ETNK1: variants seen among roughly 807,000 people sequenced by gnomAD.
ETNK1 encodes ethanolamine kinase 1.
A neutral mutation model predicts 45.1 loss-of-function variants in ETNK1; 8 were observed. The ratio of observed to expected loss-of-function variants is 0.18; its 90% CI spans 0.10 to 0.32. The LOEUF is 0.32. Ranked by LOEUF, ETNK1 falls within the 10% of genes least tolerant of loss-of-function variation. ETNK1 has a pLI of 1.00. For missense variants in ETNK1, 302 were observed against 430.6 expected (o/e 0.70, Z 2.64); for synonymous variants, 152 against 151.9 (o/e 1.00, Z -0.01).
chr12:22,664,913 A>C (rs1442046731), intron 4 of ETNK1, among the ~76,000 whole-genome samples: 2 of 152,178 alleles, frequency 1.3e-5, no homozygotes, highest in Non-Finnish European at 2.9e-5. Flanking sequence ...ATTTGTCTGC[A>C]GTATGTTTCA....
chr12:22,648,492 C>T (rs1481229836), intron 2 of ETNK1, among the ~76,000 whole-genome samples: 2 of 151,966 alleles, frequency 1.3e-5, no homozygotes, highest in African/African-American at 4.8e-5. Flanking sequence ...ATTAGATTGG[C>T]TTCTTTGACT....
At chr12:22,652,427 C>G (rs1953889666) in intron 2 of ETNK1, among the ~76,000 whole-genome samples, 1 of 152,168 alleles carries the variant, frequency 6.6e-6, no homozygotes, top group Non-Finnish European at 1.5e-5. Flanking sequence ...TTTGAGGAAC[C>G]ACCATACTGT....
At chr12:22,650,918 A>G (rs1388494025) in intron 2 of ETNK1, among the ~76,000 whole-genome samples, 2 of 152,144 alleles carry the variant, frequency 1.3e-5, no homozygotes, top group East Asian at 3.9e-4. Context: ...ATTATGGTAA[A>G]TGCTACATAA....
At chr12:22,652,153 C>A (rs1207556262) in intron 2 of ETNK1, among the ~76,000 whole-genome samples, 1 of 152,166 alleles carries the variant, frequency 6.6e-6, no homozygotes, top group Admixed American at 6.5e-5. Context: ...ATGAACACTT[C>A]AAGGTTCATT....
intron 2 of ETNK1, among the ~76,000 whole-genome samples, chr12:22,645,962 A>G (rs775188909): frequency 6.6e-6 from 1 of 151,826 alleles, no homozygotes; most frequent in Non-Finnish European, 1.5e-5. Context: ...CCAAACATCA[A>G]TACTCTGAAT....
In ETNK1 at chr12:22,625,191, T is replaced by A; in HGVS notation, c.-240T>A. The A allele has an allele frequency of 4.4e-6, 7 of 1,608,480 alleles. No homozygotes were observed. Among genetic ancestry groups the A allele is most frequent in the Non-Finnish European group, 5.9e-6 (7 of 1,177,560 alleles). ...GCTCTGCGGCCGCCCGCGGTCCAGC[T>A]CCGACAACAGGAATTTTCTCCGAGA... On this transcript the variant is annotated 5_prime_UTR_variant, in exon 1 of 8. Coordinates refer to ENST00000266517, the MANE Select transcript of ETNK1 (RefSeq NM_018638.5).
Position 22,687,578 on chromosome 12 carries a change from G to C in ETNK1, c.*2624G>C, listed in dbSNP as rs1471523109. On this transcript the variant is annotated 3_prime_UTR_variant, in exon 8 of 8. Transcript: ENST00000266517. ...CCTTCATACTTGTATGATCTCACCTGACCAGTGATTTCTTTTCCTCCTAAC... is the reference window on the plus strand; with the variant it reads ...CCTTCATACTTGTATGATCTCACCTCACCAGTGATTTCTTTTCCTCCTAAC... The C allele has an allele frequency of 6.6e-6, 1 of 151,752 alleles. No homozygotes were observed. Among genetic ancestry groups the C allele is most frequent in the East Asian group, 1.9e-4 (1 of 5,174 alleles). The allele number at this position is 151,752 out of a possible 1,614,324, so 9.4% of individuals were successfully genotyped here.
chr12:22,671,761 C>G (rs1954109338), intron 5 of ETNK1, among the ~76,000 whole-genome samples: 1 of 149,998 alleles, frequency 6.7e-6, no homozygotes, highest in African/African-American at 2.5e-5. Context: ...ATGGCGTGAA[C>G]CCGGGAGGCA....
intron 2 of ETNK1, among the ~76,000 whole-genome samples, chr12:22,658,396 C>T (rs2137553838): frequency 6.6e-6 from 1 of 152,268 alleles, no homozygotes; most frequent in East Asian, 1.9e-4. Flanking sequence ...TCTGACTCAC[C>T]AGTGGATCCC....
At chr12:22,658,230 A>G (rs1953963934) in intron 2 of ETNK1, among the ~76,000 whole-genome samples, 1 of 152,174 alleles carries the variant, frequency 6.6e-6, no homozygotes, top group African/African-American at 2.4e-5. Context: ...TGGAGAGAAC[A>G]GAGGGGCCTC....
chr12:22,653,665 T>C (rs939025036), intron 2 of ETNK1, among the ~76,000 whole-genome samples: 2 of 152,184 alleles, frequency 1.3e-5, no homozygotes, highest in African/African-American at 4.8e-5. Context: ...TCATTGTTAG[T>C]GTAAAAGTGC....
chr12:22,686,646 A>G lies in ETNK1; in HGVS notation c.*1692A>G, dbSNP rs1378084693. ...GACCAGATTTGGTTTCTACCTCCCC[A>G]ATGTTATAAATGTTCACTTTTGTTT... On this transcript the variant is annotated 3_prime_UTR_variant, in exon 8 of 8. Transcript: ENST00000266517. The G allele has an allele frequency of 6.6e-6, 1 of 152,188 alleles. No individual in the cohort carries two copies. Among genetic ancestry groups the G allele is most frequent in the Non-Finnish European group, 1.5e-5 (1 of 67,748 alleles). The allele number at this position is 152,188 out of a possible 1,614,324, so 9.4% of individuals were successfully genotyped here.
At chr12:22,630,102 G>A (rs1953555652) in intron 1 of ETNK1, among the ~76,000 whole-genome samples, 1 of 152,158 alleles carries the variant, frequency 6.6e-6, no homozygotes, top group African/African-American at 2.4e-5. Flanking sequence ...AGCATAATGT[G>A]GAAAGAGGAT....
chr12:22,652,824 G>A (rs1004173903), intron 2 of ETNK1, among the ~76,000 whole-genome samples: 3 of 152,026 alleles, frequency 2.0e-5, no homozygotes, highest in Admixed American at 6.6e-5. Context: ...CCTTTGGTGC[G>A]TAGTTTTTAA....
rs1592129964 is a variant in ETNK1 at position 22,660,989 on chromosome 12, A to G, written c.558-74A>G. 3.7e-6 allele frequency: 5 copies of G among 1,333,398 alleles called. No homozygotes were observed. In the East Asian group the frequency reaches 1.2e-4, roughly 32 times the overall value. 82.6% of individuals were successfully genotyped at this position (1,333,398 alleles called of 1,614,324 possible). A position where few individuals can be genotyped will look rare whatever the true frequency, so the allele number is the denominator to read the frequency against. On this transcript the variant is annotated intron_variant, in intron 3 of 7. Transcript: ENST00000266517. ...CGATTAAATTGAAGGGATTTATTCAAAATAGATTTTAATCCTTAATCAAAC... is the reference window on the plus strand; with the variant it reads ...CGATTAAATTGAAGGGATTTATTCAGAATAGATTTTAATCCTTAATCAAAC...
chr12:22,632,187 G>A (rs1036411021), intron 1 of ETNK1, among the ~76,000 whole-genome samples: 8 of 151,466 alleles, frequency 5.3e-5, no homozygotes, highest in South Asian at 2.1e-4. Flanking sequence ...ACAGGAAACC[G>A]TATGAACATG....
At chr12:22,647,828 G>T (rs12305738) in intron 2 of ETNK1, among the ~76,000 whole-genome samples, 7,190 of 151,952 alleles carry the variant, frequency 0.047, 561 homozygotes, top group African/African-American at 0.16. Flanking sequence ...GAAGCCTTGA[G>T]GGTTTGAAAC....
At chr12:22,673,735 G>C (rs1954133399) in intron 6 of ETNK1, 75 bp downstream of exon 6, 5 of 1,372,118 alleles carry the variant, frequency 3.6e-6, no homozygotes. Context: ...CGTCATCTTA[G>C]ACAATTTCCT....
rs1473154822 is a variant in ETNK1 at position 22,625,817 on chromosome 12, C to T, written c.156+231C>T. The stretch of plus-strand genomic sequence containing the variant: ...GAGGCACATTTTCTCTTTCTAGAAG[C>T]CGCTGCGTAAGTGACGGACCCATCC... On this transcript the variant is annotated intron_variant, in intron 1 of 7. Transcript: ENST00000266517. The T allele has an allele frequency of 6.8e-6, 5 of 734,380 alleles. No individual in the cohort carries two copies. The Admixed American group carries it at 1.0e-4, about 15-fold the overall frequency. 45.5% of individuals were successfully genotyped at this position (734,380 alleles called of 1,614,324 possible).
Sources: allele counts gnomAD v4.1 joint callset (sites outside exome capture counted in the v4.1 genomes callset), GRCh38; gene constraint gnomAD v4.1.1; transcripts MANE v1.5; gene names NCBI Gene and HGNC (gene_info 2026-07-23, HGNC 2026-07-21).